MGMT: variants seen among roughly 807,000 people sequenced by gnomAD.
The protein encoded by MGMT is methylated-DNA--protein-cysteine methyltransferase.
MGMT carries 14 observed loss-of-function variants against 15.9 expected under a neutral mutation model. That is an observed-to-expected ratio of 0.88 (90% CI 0.58 to 1.37). The LOEUF (loss-of-function observed/expected upper bound fraction) is 1.37. Among genes scored for constraint, MGMT ranks in the 40% most tolerant of loss-of-function variants. The pLI, the probability that MGMT is intolerant of heterozygous loss-of-function variation, is 0.00. For missense variants in MGMT, 282 were observed against 268.1 expected (o/e 1.05, Z -0.36); for synonymous variants, 130 against 118.2 (o/e 1.10, Z -0.65).
intron 2 of MGMT, among the ~76,000 whole-genome samples, chr10:129,646,528 T>C (rs75072178): frequency 0.048 from 7,290 of 151,178 alleles, 211 homozygotes; most frequent in Middle Eastern, 0.088. Flanking sequence ...GTCTCAAAGA[T>C]CTTGGAAAAT....
chr10:129,498,999 A>C (rs1845550069), intron 1 of MGMT, among the ~76,000 whole-genome samples: 1 of 152,226 alleles, frequency 6.6e-6, no homozygotes, highest in African/African-American at 2.4e-5. Flanking sequence ...AATTCATCAC[A>C]GCAGGTTTTA....
At position 129,631,835 on chromosome 10, in the gene MGMT, TAAATA is replaced by T. The variant is rs373564454; in HGVS notation, c.126-76051_126-76047del. 5.7e-3 allele frequency among the ~76,000 whole-genome samples: 871 copies of T among 152,294 alleles called. 8 individuals are homozygous for T. Among genetic ancestry groups the T allele is most frequent in the African/African-American group, 0.019 (809 of 41,556 alleles). Reference sequence around the variant, plus strand: ...TGAGACCCTGTCTCAATTTAATAAATAAATAAAATAAAAAATGTATATTTCTATTG... The same window carrying T: ...TGAGACCCTGTCTCAATTTAATAAATAAATAAAAAATGTATATTTCTATTG... On this transcript the variant is annotated intron_variant, in intron 2 of 4. Coordinates refer to ENST00000651593, the MANE Select transcript of MGMT (RefSeq NM_002412.5).
At chr10:129,718,602 T>G (rs1848328799) in intron 3 of MGMT, among the ~76,000 whole-genome samples, 1 of 152,238 alleles carries the variant, frequency 6.6e-6, no homozygotes, top group Non-Finnish European at 1.5e-5. Context: ...ATCTGAGGGA[T>G]GAAGCCAGAC....
intron 3 of MGMT, among the ~76,000 whole-genome samples, chr10:129,733,942 A>C (rs1337176290): frequency 1.3e-5 from 2 of 151,918 alleles, no homozygotes; most frequent in African/African-American, 4.8e-5. Context: ...TACCAGTACC[A>C]TGCTGTTTTG....
At chr10:129,486,726 A>T (rs939677665) in intron 1 of MGMT, among the ~76,000 whole-genome samples, 3 of 152,210 alleles carry the variant, frequency 2.0e-5, no homozygotes, top group African/African-American at 4.8e-5. Context: ...GAGGAAACAA[A>T]GGGCGTCTTT....
At chr10:129,707,851 G>T in intron 2 of MGMT, 44 bp from the exon 3 acceptor site, 2 of 1,606,530 alleles carry the variant, frequency 1.2e-6, no homozygotes, top group Non-Finnish European at 1.7e-6. Flanking sequence ...ATGTGTGGAG[G>T]CAGGGCCCAG....
chr10:129,704,095 TTAGA>T (rs998314142), intron 2 of MGMT, among the ~76,000 whole-genome samples: 4 of 152,132 alleles, frequency 2.6e-5, no homozygotes, highest in African/African-American at 9.7e-5. Context: ...ATCGTTCTTC[TTAGA>T]TAGCATCAGT....
intron 2 of MGMT, among the ~76,000 whole-genome samples, chr10:129,595,614 C>T (rs1169840421): frequency 6.6e-6 from 1 of 152,178 alleles, no homozygotes; most frequent in Non-Finnish European, 1.5e-5. Flanking sequence ...CGCTGCGATA[C>T]TCTTCTTGGG....
intron 2 of MGMT, among the ~76,000 whole-genome samples, chr10:129,642,590 G>T (rs1291366934): frequency 6.6e-6 from 1 of 152,222 alleles, no homozygotes; most frequent in Non-Finnish European, 1.5e-5. Context: ...GGCCTCAGGG[G>T]TGTGTGTGGA....
intron 2 of MGMT, among the ~76,000 whole-genome samples, chr10:129,562,869 C>T (rs538376011): frequency 6.6e-6 from 1 of 152,288 alleles, no homozygotes; most frequent in Admixed American, 6.5e-5. Context: ...TCGTCTTCAG[C>T]GACAGATGAT....
At chr10:129,755,179 G>T (rs1049227855) in intron 3 of MGMT, among the ~76,000 whole-genome samples, 1 of 152,244 alleles carries the variant, frequency 6.6e-6, no homozygotes, top group African/African-American at 2.4e-5. Context: ...AGTATAGAGT[G>T]CTTGCTTCAT....
At position 129,770,661 on chromosome 10, in the gene MGMT, A is replaced by T. The variant is rs1848990219; in HGVS notation, c.*3664A>T. Among the ~76,000 whole-genome samples the T allele has an allele frequency of 6.6e-6, 1 of 152,260 alleles. No homozygotes were observed. Among genetic ancestry groups the T allele is most frequent in the South Asian group, 2.1e-4 (1 of 4,832 alleles). On this transcript the variant is annotated 3_prime_UTR_variant, in exon 5 of 5. Transcript: ENST00000651593. ...ACTTGGGCTTCTCACAGCACAGAGG[A>T]GGATTCTGAAGTGAGAGATAAATTG...
intron 1 of MGMT, among the ~76,000 whole-genome samples, chr10:129,502,609 G>T (rs1433370139): frequency 3.3e-5 from 5 of 152,174 alleles, no homozygotes; most frequent in Non-Finnish European, 7.3e-5. Flanking sequence ...CCTGAGGAAG[G>T]CTGCAGCTGA....
intron 2 of MGMT, among the ~76,000 whole-genome samples, chr10:129,573,968 T>C (rs1453441361): frequency 6.6e-6 from 1 of 152,260 alleles, no homozygotes; most frequent in South Asian, 2.1e-4. Context: ...CAGAATGATC[T>C]AACCCAATAC....
intron 1 of MGMT, among the ~76,000 whole-genome samples, chr10:129,477,131 C>T (rs1027657146): frequency 1.3e-5 from 2 of 152,168 alleles, no homozygotes; most frequent in African/African-American, 4.8e-5. Context: ...AGCCTCTGCT[C>T]TATCCTCAGG....
chr10:129,707,885 A>T lies in MGMT; in HGVS notation c.126-10A>T. 1 of 1,609,524 alleles carries T rather than the reference A, an allele frequency of 6.2e-7. No homozygotes were observed. The highest frequency in any genetic ancestry group is 8.5e-7 in the Non-Finnish European group (1 of 1,179,848). On this transcript the variant is annotated splice_polypyrimidine_tract_variant and intron_variant, in intron 2 of 4. Coordinates refer to ENST00000651593, the MANE Select transcript of MGMT (RefSeq NM_002412.5). Reference sequence around the variant, plus strand: ...AGAGGTTTACTAAGCCCCTGTTCTCACTTTTGCAGTGCCGTGGAGGTCCCA... The same window carrying T: ...AGAGGTTTACTAAGCCCCTGTTCTCTCTTTTGCAGTGCCGTGGAGGTCCCA...
chr10:129,671,730 T>C (rs752916190), intron 2 of MGMT, among the ~76,000 whole-genome samples: 4 of 152,200 alleles, frequency 2.6e-5, no homozygotes, highest in Non-Finnish European at 5.9e-5. Context: ...TGGTTAAAAG[T>C]ATCATCTCAT....
rs368073466 is a variant in MGMT at position 129,496,628 on chromosome 10, C to T, written c.-13+29332C>T. Among the ~76,000 whole-genome samples the T allele has an allele frequency of 1.2e-4, 18 of 152,138 alleles. 1 individual carries two copies. Among genetic ancestry groups the T allele is most frequent in the Admixed American group, 5.9e-4 (9 of 15,280 alleles). ...GGGCCGGGGTCTCTGGGATTTCTGT[C>T]GCATCAGCTTGTGCAGCCGTGGAAT... On this transcript the variant is annotated intron_variant, in intron 1 of 4. Coordinates refer to ENST00000651593, the MANE Select transcript of MGMT (RefSeq NM_002412.5).
chr10:129,493,822 C>T (rs1361826306), intron 1 of MGMT, among the ~76,000 whole-genome samples: 1 of 152,192 alleles, frequency 6.6e-6, no homozygotes, highest in Non-Finnish European at 1.5e-5. Context: ...CTGCAATACT[C>T]TCTAGGGGAC....
Sources: allele counts gnomAD v4.1 joint callset (sites outside exome capture counted in the v4.1 genomes callset), GRCh38; gene constraint gnomAD v4.1.1; transcripts MANE v1.5; gene names NCBI Gene and HGNC (gene_info 2026-07-23, HGNC 2026-07-21).